TMEM178A: variants seen among roughly 807,000 people sequenced by gnomAD.
TMEM178A encodes transmembrane protein 178A.
In TMEM178A, 12 loss-of-function variants were observed where a neutral mutation model predicts 29.1. That is an observed-to-expected ratio of 0.41 (90% CI 0.26 to 0.67). The LOEUF (loss-of-function observed/expected upper bound fraction) is 0.67, where lower values mean the gene tolerates loss of function less well. Ranked by LOEUF, TMEM178A falls within the 30% of genes least tolerant of loss-of-function variation. The pLI, the probability that TMEM178A is intolerant of heterozygous loss-of-function variation, is 0.29. For missense variants in TMEM178A, 366 were observed against 419.1 expected, an observed-to-expected ratio of 0.87 and a Z score of 1.11; for synonymous variants, 210 against 187.2, an observed-to-expected ratio of 1.12 and a Z score of -0.99.
chr2:39,713,576 A>C (rs1298356538), intron 3 of TMEM178A, among the ~76,000 whole-genome samples: 2 of 152,244 alleles, frequency 1.3e-5, no homozygotes, highest in South Asian at 2.1e-4. Context: ...ATGTGAAGAC[A>C]CAGGGAGAAG....
At chr2:39,697,072 TG>T (rs1430321037) in intron 1 of TMEM178A, among the ~76,000 whole-genome samples, 2 of 152,212 alleles carry the variant, frequency 1.3e-5, no homozygotes, top group African/African-American at 2.4e-5. Flanking sequence ...TTGAAAAAAT[TG>T]GAATCTAATG....
intron 1 of TMEM178A, among the ~76,000 whole-genome samples, chr2:39,674,605 C>A (rs1266546320): frequency 6.6e-6 from 1 of 152,154 alleles, no homozygotes; most frequent in Non-Finnish European, 1.5e-5. Flanking sequence ...TCTCACAAAT[C>A]ACCACTAAAG....
At chr2:39,680,809 G>A (rs1670836777) in intron 1 of TMEM178A, among the ~76,000 whole-genome samples, 1 of 152,084 alleles carries the variant, frequency 6.6e-6, no homozygotes, top group Non-Finnish European at 1.5e-5. Flanking sequence ...TTTGCTTCAT[G>A]AGAGTATTTA....
At chr2:39,670,957 A>T (rs1418499396) in intron 1 of TMEM178A, among the ~76,000 whole-genome samples, 3 of 152,152 alleles carry the variant, frequency 2.0e-5, no homozygotes, top group Non-Finnish European at 4.4e-5. Flanking sequence ...ACAGAAAATT[A>T]ATGTGTTTTG....
At chr2:39,734,460 C>T in the TMEM178A span, among the ~76,000 whole-genome samples, 2 of 152,232 alleles carry the variant, frequency 1.3e-5, no homozygotes, top group Admixed American at 6.5e-5. Context: ...TCTTATTCTC[C>T]TATTCCCAAT....
At chr2:39,687,884 A>G (rs916594835) in intron 1 of TMEM178A, among the ~76,000 whole-genome samples, 5 of 152,236 alleles carry the variant, frequency 3.3e-5, no homozygotes, top group African/African-American at 1.2e-4. Context: ...GATATCTAAG[A>G]ACTGATTTTG....
At chr2:39,730,854 C>G in the TMEM178A span, among the ~76,000 whole-genome samples, 1 of 152,214 alleles carries the variant, frequency 6.6e-6, no homozygotes, top group African/African-American at 2.4e-5. Flanking sequence ...TCACTTTCAG[C>G]TCTTGGGCTC....
Position 39,666,210 on chromosome 2 carries a change from C to A in TMEM178A, c.236C>A (p.Pro79Gln). 2 of 1,362,016 alleles carry A rather than the reference C, an allele frequency of 1.5e-6. No individual in the cohort carries two copies. Among genetic ancestry groups the A allele is most frequent in the Non-Finnish European group, 9.4e-7 (1 of 1,065,724 alleles). 84.4% of individuals were successfully genotyped at this position (1,362,016 alleles called of 1,614,324 possible). A position where few individuals can be genotyped will look rare whatever the true frequency, so the allele number is the denominator to read the frequency against. ...DSPPLGRRLL[P>Q]GGPGRADPES... ...CCCCCGCTGGGGCGCCGGCTGCTCC[C>A]GGGCGGCCCGGGGCGCGCCGACCCC... is the stretch of plus-strand genomic sequence containing the variant. Residue 79 changes from proline (P) to glutamine (Q), a missense_variant, in exon 1 of 4, where the codon CCG (proline) becomes CAG (glutamine). Pro to Gln is a moderately conservative substitution (Grantham distance 76). This residue lies in a region of TMEM178A where 247 missense variants were observed against 246.8 expected (regional missense o/e 1.00). Transcript: ENST00000281961.
chr2:39,729,743 G>T, the TMEM178A span, among the ~76,000 whole-genome samples: 3,433 of 152,164 alleles, frequency 0.023, 122 homozygotes, highest in African/African-American at 0.077. Context: ...TCTTAAATTG[G>T]GAGGGAGTTG....
chr2:39,709,393 A>T (rs1291407953), intron 3 of TMEM178A, among the ~76,000 whole-genome samples: 1 of 152,198 alleles, frequency 6.6e-6, no homozygotes, highest in African/African-American at 2.4e-5. Flanking sequence ...CAGAAAACCA[A>T]TTTAGGTTTT....
chr2:39,716,363 T>A (rs986520781), intron 3 of TMEM178A, among the ~76,000 whole-genome samples: 1 of 152,244 alleles, frequency 6.6e-6, no homozygotes, highest in Non-Finnish European at 1.5e-5. Context: ...GTTTTGGGTC[T>A]GTCCATGTTC....
chr2:39,716,889 T>C, intron 3 of TMEM178A, 121 bp from the exon 4 acceptor site: 1 of 1,212,784 alleles, frequency 8.2e-7, no homozygotes, highest in South Asian at 1.5e-5. Flanking sequence ...TTATGGATCA[T>C]TTGTGAATTT....
intron 1 of TMEM178A, among the ~76,000 whole-genome samples, chr2:39,703,307 G>A (rs1230900088): frequency 6.6e-6 from 1 of 152,096 alleles, no homozygotes; most frequent in Non-Finnish European, 1.5e-5. Flanking sequence ...AAATTCAGAA[G>A]CCTCTAGGAG....
At chr2:39,676,219 A>G (rs1186248450) in intron 1 of TMEM178A, among the ~76,000 whole-genome samples, 1 of 152,248 alleles carries the variant, frequency 6.6e-6, no homozygotes, top group Non-Finnish European at 1.5e-5. Context: ...AAATAATAGA[A>G]TACCCAAATA....
the TMEM178A span, among the ~76,000 whole-genome samples, chr2:39,729,372 A>G: frequency 6.6e-6 from 1 of 152,138 alleles, no homozygotes; most frequent in African/African-American, 2.4e-5. Context: ...TCCAATTATC[A>G]TATGTCAGTG....
chr2:39,702,589 A>T (rs559536658), intron 1 of TMEM178A, among the ~76,000 whole-genome samples: 1 of 152,254 alleles, frequency 6.6e-6, no homozygotes, highest in Admixed American at 6.5e-5. Flanking sequence ...CTGACTTATA[A>T]ACAGCTAACT....
At chr2:39,721,985 C>CAAAA (rs57605942), downstream of TMEM178A, among the ~76,000 whole-genome samples, 8 of 40,092 alleles carry the variant, frequency 2.0e-4, 1 homozygote, top group South Asian at 2.5e-3. Flanking sequence ...AGACCAGTCT[C>CAAAA]AAAAAAAAAA....
chr2:39,670,709 C>T (rs1670376287), intron 1 of TMEM178A, among the ~76,000 whole-genome samples: 1 of 152,168 alleles, frequency 6.6e-6, no homozygotes, highest in Non-Finnish European at 1.5e-5. Context: ...AAAACACTGA[C>T]TTTAATAAAT....
intron 2 of TMEM178A, among the ~76,000 whole-genome samples, chr2:39,705,431 G>A (rs117338591): frequency 1.3e-5 from 2 of 152,158 alleles, no homozygotes; most frequent in African/African-American, 4.8e-5. Flanking sequence ...AATTTGGGAG[G>A]CTGTAAGATA....
Sources: gnomAD v4.1 joint callset for allele counts (sites outside exome capture counted in the v4.1 genomes callset) on GRCh38, gnomAD v4.1.1 for gene constraint, gnomAD v4.1.1 regional missense constraint, MANE v1.5 for transcripts, NCBI Gene and HGNC (gene_info 2026-07-23, HGNC 2026-07-21) for gene names.